Variants in LPAR3 observed in about 807,000 individuals in gnomAD.
LPAR3 encodes the protein LPA receptor 3.
Under a neutral mutation model 17.8 loss-of-function variants are expected in LPAR3, and 7 were observed. That is an observed-to-expected ratio of 0.39 (90% CI 0.22 to 0.74). The LOEUF (loss-of-function observed/expected upper bound fraction) is 0.74. LPAR3 is among the 30% of genes least tolerant of loss of function. LPAR3 has a pLI of 0.40. For missense variants in LPAR3, 391 were observed against 453.4 expected (o/e 0.86, Z 1.25); for synonymous variants, 179 against 179.9 (o/e 0.99, Z 0.04).
At chr1:84,844,184 C>T (rs139880364) in intron 2 of LPAR3, among the ~76,000 whole-genome samples, 1 of 152,306 alleles carries the variant, frequency 6.6e-6, no homozygotes, top group African/African-American at 2.4e-5. Context: ...AGAATGGTGG[C>T]CAAATATCTC....
chr1:84,813,778 G>T lies in LPAR3; in HGVS notation c.*68C>A. 8.0e-7 allele frequency: 1 copy of T among 1,247,626 alleles called. No homozygotes were observed. Among genetic ancestry groups the T allele is most frequent in the South Asian group, 1.3e-5 (1 of 74,342 alleles). The allele number at this position is 1,247,626 out of a possible 1,614,324, so 77.3% of individuals were successfully genotyped here. On this transcript the variant is annotated 3_prime_UTR_variant, in exon 3 of 3. Coordinates refer to ENST00000370611, the MANE Select transcript of LPAR3 (RefSeq NM_012152.3). ...AACACTGTACATGGGCTTTGTTAGA[G>T]ACAGGTAATCATTCTTAACAGCTCT...
rs148409594 is a variant in LPAR3, at chr1:84,875,040, C to T, written c.-18-8902G>A. Among the ~76,000 whole-genome samples the T allele has an allele frequency of 5.2e-4, 79 of 152,138 alleles. 1 individual carries two copies. In the East Asian group the frequency reaches 0.014, roughly 27 times the overall value. On this transcript the variant is annotated intron_variant, in intron 1 of 2. Transcript: ENST00000370611. ...TCAGCCTCCTGAGTGGCTGGGACTA[C>T]AGGCCCAAGCCACCATGCCCGGCTA...
chr1:84,813,158 T>TAGAGAGAGAGAGAGAGAGAG lies in LPAR3; in HGVS notation c.*687_*688insCTCTCTCTCTCTCTCTCTCT, dbSNP rs1553145910. On this transcript the variant is annotated 3_prime_UTR_variant, in exon 3 of 3. Transcript: ENST00000370611. Reference sequence around the variant, plus strand: ...ATATATATATATATATATATATATATAGACACACACACACACACACACACA... The same window carrying TAGAGAGAGAGAGAGAGAGAG: ...ATATATATATATATATATATATATATAGAGAGAGAGAGAGAGAGAGAGACACACACACACACACACACACA... 4.6e-4 allele frequency: 47 copies of TAGAGAGAGAGAGAGAGAGAG among 101,678 alleles called. No homozygotes were observed. Among genetic ancestry groups the TAGAGAGAGAGAGAGAGAGAG allele is most frequent in the African/African-American group, 7.0e-4 (19 of 27,188 alleles). 6.3% of individuals were successfully genotyped at this position (101,678 alleles called of 1,614,324 possible).
chr1:84,859,209 G>C (rs1208622428), intron 2 of LPAR3, among the ~76,000 whole-genome samples: 1 of 151,974 alleles, frequency 6.6e-6, no homozygotes, highest in East Asian at 1.9e-4. Context: ...TTAGTACTCT[G>C]GCAAGGCTCT....
intron 1 of LPAR3, among the ~76,000 whole-genome samples, chr1:84,886,262 C>T (rs1210118427): frequency 6.6e-6 from 1 of 152,204 alleles, no homozygotes; most frequent in African/African-American, 2.4e-5. Context: ...CATGGTAGCT[C>T]ATACCTGTAA....
intron 2 of LPAR3, among the ~76,000 whole-genome samples, chr1:84,860,981 C>A (rs1180374809): frequency 1.3e-5 from 2 of 152,058 alleles, no homozygotes; most frequent in African/African-American, 4.8e-5. Context: ...TCAAGTGATC[C>A]GCCCGCCTCG....
At chr1:84,869,328 C>T (rs1007332583) in intron 1 of LPAR3, among the ~76,000 whole-genome samples, 8 of 152,132 alleles carry the variant, frequency 5.3e-5, no homozygotes, top group African/African-American at 1.7e-4. Flanking sequence ...AAAGTTGAGA[C>T]ATCACAGAAA....
chr1:84,835,720 T>C (rs1262365644), intron 2 of LPAR3, among the ~76,000 whole-genome samples: 2 of 152,194 alleles, frequency 1.3e-5, no homozygotes, highest in African/African-American at 4.8e-5. Flanking sequence ...CTGGCACTCC[T>C]TGAGATTCTT....
chr1:84,826,164 ATAT>A (rs2102747383), intron 2 of LPAR3, among the ~76,000 whole-genome samples: 1 of 151,068 alleles, frequency 6.6e-6, no homozygotes, highest in African/African-American at 2.4e-5. Flanking sequence ...TAATATATAC[ATAT>A]TATATGTATA....
intron 2 of LPAR3, among the ~76,000 whole-genome samples, chr1:84,860,470 C>T (rs574098058): frequency 6.6e-6 from 1 of 152,272 alleles, no homozygotes; most frequent in East Asian, 1.9e-4. Context: ...TCTGAGTATG[C>T]CATTTCTCCC....
At chr1:84,883,949 A>G (rs914994821) in intron 1 of LPAR3, among the ~76,000 whole-genome samples, 3 of 152,244 alleles carry the variant, frequency 2.0e-5, no homozygotes, top group African/African-American at 7.2e-5. Context: ...GTTAGAAATA[A>G]TAGTTTCTTT....
At chr1:84,843,260 C>T (rs542768684) in intron 2 of LPAR3, among the ~76,000 whole-genome samples, 31 of 152,348 alleles carry the variant, frequency 2.0e-4, no homozygotes, top group African/African-American at 7.5e-4. Flanking sequence ...ATCTCCTGCT[C>T]TCAGGCCAAT....
chr1:84,821,588 T>C (rs886685094), intron 2 of LPAR3, among the ~76,000 whole-genome samples: 1 of 152,044 alleles, frequency 6.6e-6, no homozygotes, highest in Non-Finnish European at 1.5e-5. Context: ...AATGAGAAAG[T>C]GAGGAAGGTG....
At chr1:84,827,804 G>A (rs180863377) in intron 2 of LPAR3, among the ~76,000 whole-genome samples, 1 of 152,310 alleles carries the variant, frequency 6.6e-6, no homozygotes, top group East Asian at 1.9e-4. Context: ...TTTGTGTTCA[G>A]AGGACATTTT....
chr1:84,857,305 G>A (rs1015260851), intron 2 of LPAR3, among the ~76,000 whole-genome samples: 21 of 152,094 alleles, frequency 1.4e-4, no homozygotes, highest in Non-Finnish European at 1.6e-4. Flanking sequence ...CATTATGCTA[G>A]GTGCTTTATG....
chr1:84,822,753 C>G (rs1659082370), intron 2 of LPAR3, among the ~76,000 whole-genome samples: 1 of 152,214 alleles, frequency 6.6e-6, no homozygotes, highest in African/African-American at 2.4e-5. Context: ...TACACAAGGC[C>G]TGTTCAACAT....
chr1:84,891,654 T>A (rs1426615923), intron 1 of LPAR3, among the ~76,000 whole-genome samples: 1 of 152,212 alleles, frequency 6.6e-6, no homozygotes, highest in Non-Finnish European at 1.5e-5. Flanking sequence ...ATCCAGCAAC[T>A]CTTCTCAGCG....
In LPAR3 at chr1:84,824,232, AG is replaced by A. The variant is rs376504962; in HGVS notation, c.737-10062del. Among the ~76,000 whole-genome samples the A allele has an allele frequency of 6.2e-4, 95 of 152,308 alleles. 1 individual carries two copies. The highest frequency in any genetic ancestry group is 2.2e-3 in the African/African-American group (90 of 41,574). The stretch of plus-strand genomic sequence containing the variant: ...AGGAAAGGAGTATGAATGAAGTGGC[AG>A]GCACTGGGGTAGCGGTTGAAACCAT... On this transcript the variant is annotated intron_variant, in intron 2 of 2. Transcript: ENST00000370611.
Position 84,875,027 on chromosome 1 carries a change from G to GTGGC in LPAR3, c.-18-8893_-18-8890dup, listed in dbSNP as rs1294679822. Among the ~76,000 whole-genome samples the GTGGC allele has an allele frequency of 1.3e-5, 2 of 151,830 alleles. 1 individual carries two copies. The highest frequency in any genetic ancestry group is 1.3e-4 in the Admixed American group (2 of 15,234). On this transcript the variant is annotated intron_variant, in intron 1 of 2. Coordinates refer to ENST00000370611, the MANE Select transcript of LPAR3 (RefSeq NM_012152.3). ...CGATTCTCCTGCTTCAGCCTCCTGA[G>GTGGC]TGGCTGGGACTACAGGCCCAAGCCA... is the stretch of plus-strand genomic sequence containing the variant.
Sources: gnomAD v4.1 joint callset for allele counts (sites outside exome capture counted in the v4.1 genomes callset) on GRCh38, gnomAD v4.1.1 for gene constraint, MANE v1.5 for transcripts, NCBI Gene and HGNC (gene_info 2026-07-23, HGNC 2026-07-21) for gene names.